The following P2RY2 variants were observed in gnomAD, a reference collection of about 807,000 sequenced individuals.
P2RY2 encodes the protein purinergic receptor P2Y2.
For synonymous variants in P2RY2, 241 were observed against 231.9 expected (o/e 1.04, Z -0.35); for missense variants, 567 against 515.7 (o/e 1.10, Z -0.96).
At chr11:73,233,396 G>T (rs1862516119) in intron 2 of P2RY2, among the ~76,000 whole-genome samples, 1 of 152,274 alleles carries the variant, frequency 6.6e-6, no homozygotes, top group African/African-American at 2.4e-5. Context: ...GAGCTGGAGA[G>T]AACTCTGTAA....
In P2RY2 at chr11:73,234,100, C is replaced by A. The variant is rs528692591; in HGVS notation, c.-4-56C>A. ...CCCTGGTCAGGTGGCTGTGTCAGGT[C>A]CCCTAGGGGCGCTCCGGCCACAACC... is the stretch of plus-strand genomic sequence containing the variant. On this transcript the variant is annotated intron_variant, in intron 2 of 2. Transcript: ENST00000393597. 7.1e-6 allele frequency: 11 copies of A among 1,538,494 alleles called. No individual in the cohort carries two copies. The African/African-American group carries it at 1.4e-4, about 19-fold the overall frequency.
chr11:73,233,749 G>A (rs1862529593), intron 2 of P2RY2, among the ~76,000 whole-genome samples: 1 of 152,196 alleles, frequency 6.6e-6, no homozygotes, highest in Non-Finnish European at 1.5e-5. Flanking sequence ...CCTCCTGAGT[G>A]GCTAGGATTA....
chr11:73,238,572 G>T lies in P2RY2; in HGVS notation c.*3279G>T, dbSNP rs1862708581. 6.6e-6 allele frequency among the ~76,000 whole-genome samples: 1 copy of T among 152,212 alleles called. No individual in the cohort carries two copies. Among genetic ancestry groups the T allele is most frequent in the Admixed American group, 6.5e-5 (1 of 15,278 alleles). ...GCTCTGTTTAGAATCAGGCACATGA[G>T]GGAGGGAAGTCGTGTATTGACCCAT... On this transcript the variant is annotated 3_prime_UTR_variant, in exon 3 of 3. Coordinates refer to ENST00000393597, the MANE Select transcript of P2RY2 (RefSeq NM_002564.4).
Position 73,234,508 on chromosome 11 carries a change from C to T in P2RY2, c.349C>T (p.Leu117Phe). The T allele has an allele frequency of 1.2e-6, 2 of 1,613,224 alleles. No homozygotes were observed. Among genetic ancestry groups the T allele is most frequent in the Non-Finnish European group, 8.5e-7 (1 of 1,179,398 alleles). ...KLVRFLFYTN[L>F]YCSILFLTCI... ...GGTGCGCTTCCTCTTCTACACCAACCTTTACTGCAGCATCCTCTTCCTCAC... is the reference window on the plus strand; with the variant it reads ...GGTGCGCTTCCTCTTCTACACCAACTTTTACTGCAGCATCCTCTTCCTCAC... The change falls in exon 3 of 3, where the codon CTT becomes TTT. Residue 117 changes from leucine to phenylalanine, a missense_variant. Coordinates refer to ENST00000393597, the MANE Select transcript of P2RY2 (RefSeq NM_002564.4).
intron 1 of P2RY2, among the ~76,000 whole-genome samples, chr11:73,225,041 T>C (rs191780650): frequency 3.9e-5 from 6 of 152,350 alleles, no homozygotes; most frequent in Admixed American, 2.6e-4. Context: ...AATGAGGTTC[T>C]GGCACTAGGT....
rs1276855634 is a variant in P2RY2, at chr11:73,234,279, C to T, written c.120C>T (p.Tyr40=). 1.9e-6 allele frequency: 3 copies of T among 1,614,074 alleles called. No individual in the cohort carries two copies. Among genetic ancestry groups the T allele is most frequent in the Admixed American group, 3.3e-5 (2 of 60,002 alleles). ...DFKYVLLPVS[Y]GVVCVPGLCL... is the part of the protein sequence containing the mutation. ...AGTACGTGCTGCTGCCTGTGTCCTA[C>T]GGCGTGGTGTGCGTGCCTGGGCTGT... Residue 40 remains tyrosine (Y), a synonymous_variant, in exon 3 of 3, where the codon TAC becomes TAT. Transcript: ENST00000393597.
At chr11:73,231,271 C>A (rs993692146) in intron 2 of P2RY2, among the ~76,000 whole-genome samples, 2 of 151,712 alleles carry the variant, frequency 1.3e-5, no homozygotes, top group Non-Finnish European at 2.9e-5. Context: ...ACTGGCCAGG[C>A]GCCATGGCCC....
chr11:73,236,992 G>A lies in P2RY2; in HGVS notation c.*1699G>A, dbSNP rs767103448. The stretch of plus-strand genomic sequence containing the variant: ...CCTCTGGGAGAGCCCTCGCCCTGTG[G>A]CCCACTCTGCCTGCCCCCTCTGACC... On this transcript the variant is annotated 3_prime_UTR_variant, in exon 3 of 3. Coordinates refer to ENST00000393597, the MANE Select transcript of P2RY2 (RefSeq NM_002564.4). The A allele has an allele frequency of 2.7e-5, 27 of 985,258 alleles. No homozygotes were observed. Among genetic ancestry groups the A allele is most frequent in the Non-Finnish European group, 2.9e-5 (24 of 829,874 alleles). The allele number at this position is 985,258 out of a possible 1,614,324, so 61.0% of individuals were successfully genotyped here. A position where few individuals can be genotyped will look rare whatever the true frequency, so the allele number is the denominator to read the frequency against.
chr11:73,241,798 A>C lies in P2RY2; in HGVS notation c.*6505A>C, dbSNP rs2135657513. ...TCTTGCTGACCTTGCTTCCTGGGCCATCAGTGCCCCCTGCACAGAACTCTC... is the reference window on the plus strand; with the variant it reads ...TCTTGCTGACCTTGCTTCCTGGGCCCTCAGTGCCCCCTGCACAGAACTCTC... On this transcript the variant is annotated 3_prime_UTR_variant, in exon 3 of 3. Coordinates refer to ENST00000393597, the MANE Select transcript of P2RY2 (RefSeq NM_002564.4). 6.6e-6 allele frequency: 1 copy of C among 152,484 alleles called. No homozygotes were observed. The highest frequency in any genetic ancestry group is 2.1e-4 in the South Asian group (1 of 4,832). 9.4% of individuals were successfully genotyped at this position (152,484 alleles called of 1,614,324 possible).
At chr11:73,219,133 G>A (rs1365912258) in intron 1 of P2RY2, among the ~76,000 whole-genome samples, 1 of 152,242 alleles carries the variant, frequency 6.6e-6, no homozygotes, top group African/African-American at 2.4e-5. Context: ...GACCAGAATT[G>A]CCAGCTCGGG....
At position 73,240,524 on chromosome 11, in the gene P2RY2, C is replaced by A. The variant is rs1234283721; in HGVS notation, c.*5231C>A. ...ACGTGAGACTCCTGGGAGACACAAC[C>A]AGTTGGAATGAGTTTTCCCTCCTGG... On this transcript the variant is annotated 3_prime_UTR_variant, in exon 3 of 3. Transcript: ENST00000393597. The A allele has an allele frequency of 2.0e-5, 3 of 152,236 alleles. No homozygotes were observed. Among genetic ancestry groups the A allele is most frequent in the African/African-American group, 4.8e-5 (2 of 41,428 alleles). The allele number at this position is 152,236 out of a possible 1,614,324, so 9.4% of individuals were successfully genotyped here.
At position 73,236,756 on chromosome 11, in the gene P2RY2, C is replaced by T. The variant is rs1407699117; in HGVS notation, c.*1463C>T. The T allele has an allele frequency of 4.5e-5, 44 of 985,288 alleles. No homozygotes were observed. The highest frequency in any genetic ancestry group is 5.3e-5 in the Non-Finnish European group (44 of 829,922). 61.0% of individuals were successfully genotyped at this position (985,288 alleles called of 1,614,324 possible). A position where few individuals can be genotyped will look rare whatever the true frequency, so the allele number is the denominator to read the frequency against. ...TCCATCGTCTGCCTTCTGGGAAAAT[C>T]CCAGAATGGCAGGGTGGTGCTCAGG... On this transcript the variant is annotated 3_prime_UTR_variant, in exon 3 of 3. Transcript: ENST00000393597.
rs542213823 is a variant in P2RY2 at position 73,238,511 on chromosome 11, A to G, written c.*3218A>G. On this transcript the variant is annotated 3_prime_UTR_variant, in exon 3 of 3. Coordinates refer to ENST00000393597, the MANE Select transcript of P2RY2 (RefSeq NM_002564.4). ...TGCTCCAGGTCAAGTCACCAAAGCT[A>G]CCTCTCTGTCACCCTTGTCATGGCA... Among the ~76,000 whole-genome samples, 2 of 152,122 alleles carry G rather than the reference A, an allele frequency of 1.3e-5. No individual in the cohort carries two copies. The highest frequency in any genetic ancestry group is 4.2e-4 in the South Asian group (2 of 4,812).
Position 73,234,610 on chromosome 11 carries a change from C to A in P2RY2, c.451C>A (p.Arg151Ser). Residue 151 changes from arginine to serine, a missense_variant, in exon 3 of 3, where the codon CGC becomes AGC. Arg to Ser is a moderately radical substitution (Grantham distance 110). Transcript: ENST00000393597. ...GCGCTGGGGCCGGGCCCGCTACGCT[C>A]GCCGGGTGGCCGGGGCCGTGTGGGT... ...SLRWGRARYA[R>S]RVAGAVWVLV... The A allele has an allele frequency of 7.0e-6, 11 of 1,566,234 alleles. No individual in the cohort carries two copies. The highest frequency in any genetic ancestry group is 9.5e-6 in the Non-Finnish European group (11 of 1,155,346).
At position 73,235,050 on chromosome 11, in the gene P2RY2, T is replaced by G. The variant is rs760597577; in HGVS notation, c.891T>G (p.Ala297=). The G allele has an allele frequency of 6.2e-7, 1 of 1,608,152 alleles. No homozygotes were observed. Among genetic ancestry groups the G allele is most frequent in the Non-Finnish European group, 8.5e-7 (1 of 1,179,940 alleles). Residue 297 remains alanine, a synonymous_variant, in exon 3 of 3, where the codon GCT becomes GCG. Transcript: ENST00000393597. ...AGGTTACCCGGCCGCTGGCCAGTGCTAACAGTTGCCTTGACCCCGTGCTCT... is the reference window on the plus strand; with the variant it reads ...AGGTTACCCGGCCGCTGGCCAGTGCGAACAGTTGCCTTGACCCCGTGCTCT... ...AYKVTRPLAS[A]NSCLDPVLYF...
intron 2 of P2RY2, among the ~76,000 whole-genome samples, chr11:73,229,001 A>ATTCG (rs1862369193): frequency 6.6e-6 from 1 of 151,046 alleles, no homozygotes; most frequent in Non-Finnish European, 1.5e-5. Flanking sequence ...TGCTTCATTC[A>ATTCG]TTCATTCATT....
In P2RY2 at chr11:73,234,258, C is replaced by T; in HGVS notation, c.99C>T (p.Tyr33=). The change falls in exon 3 of 3, where the codon TAC becomes TAT. Residue 33 remains tyrosine, a synonymous_variant. Coordinates refer to ENST00000393597, the MANE Select transcript of P2RY2 (RefSeq NM_002564.4). Reference sequence around the variant, plus strand: ...GCCGCTTCAACGAGGACTTCAAGTACGTGCTGCTGCCTGTGTCCTACGGCG... The same window carrying T: ...GCCGCTTCAACGAGGACTTCAAGTATGTGCTGCTGCCTGTGTCCTACGGCG... The part of the protein sequence containing the change: ...YRCRFNEDFK[Y]VLLPVSYGVV... The T allele has an allele frequency of 6.2e-7, 1 of 1,614,212 alleles. No individual in the cohort carries two copies. The highest frequency in any genetic ancestry group is 1.3e-5 in the African/African-American group (1 of 75,048).
At chr11:73,218,939 G>A (rs1289721382) in intron 1 of P2RY2, among the ~76,000 whole-genome samples, 1 of 152,198 alleles carries the variant, frequency 6.6e-6, no homozygotes, top group African/African-American at 2.4e-5. Flanking sequence ...GGGAGTGGGC[G>A]GGGGAGGAGG....
chr11:73,219,897 G>A (rs1029559655), intron 1 of P2RY2, among the ~76,000 whole-genome samples: 1 of 152,208 alleles, frequency 6.6e-6, no homozygotes, highest in African/African-American at 2.4e-5. Flanking sequence ...CTACAGCTGG[G>A]TTGGAGCCTC....
Sources: allele counts gnomAD v4.1 joint callset (sites outside exome capture counted in the v4.1 genomes callset), GRCh38; gene constraint gnomAD v4.1.1; transcripts MANE v1.5; gene names NCBI Gene and HGNC (gene_info 2026-07-23, HGNC 2026-07-21).